WDR17: variants seen among roughly 807,000 people sequenced by gnomAD.
The protein encoded by WDR17 is WD repeat domain 17.
In WDR17, 143 loss-of-function variants were observed where a neutral mutation model predicts 161.7. That is an observed-to-expected ratio of 0.88 (90% CI 0.77 to 1.02). The LOEUF is 1.02. WDR17 is among the 50% of genes least tolerant of loss of function. WDR17 has a pLI of 0.00. For missense variants in WDR17, 1,469 were observed against 1,520.9 expected (o/e 0.97, Z 0.57); for synonymous variants, 517 against 515.6 (o/e 1.00, Z -0.04).
chr4:176,144,356 G>A (rs1362326785), intron 11 of WDR17, among the ~76,000 whole-genome samples: 1 of 151,972 alleles, frequency 6.6e-6, no homozygotes, highest in Admixed American at 6.6e-5. Flanking sequence ...CTATGAGATC[G>A]CCAACTACGT....
In WDR17 at chr4:176,174,676, G is replaced by C; in HGVS notation, c.3407G>C (p.Arg1136Thr). 6.2e-7 allele frequency: 1 copy of C among 1,612,366 alleles called. No individual in the cohort carries two copies. The highest frequency in any genetic ancestry group is 1.1e-5 in the South Asian group (1 of 90,868). The change falls in exon 26 of 29, where the codon AGA (arginine) becomes ACA (threonine). Residue 1136 changes from arginine (R) to threonine (T), a missense_variant. Physicochemically the swap from Arg to Thr is moderately conservative, Grantham distance 71 (BLOSUM62 -1). Coordinates refer to ENST00000508596, the MANE Select transcript of WDR17 (RefSeq NM_181265.4). Reference protein sequence around the residue: ...GYIGALLAIRRQYQSIVPALY... With the variant: ...GYIGALLAIRTQYQSIVPALY... ...ATTGGTGCATTACTGGCTATCAGAA[G>C]ACAGTACCAAAGCATTGTTCCAGCA... is the stretch of plus-strand genomic sequence containing the variant.
intron 26 of WDR17, 21 bp downstream of exon 26, chr4:176,174,739 C>T (rs1249659919): frequency 2.0e-6 from 3 of 1,528,022 alleles, no homozygotes; most frequent in Non-Finnish European, 2.7e-6. Flanking sequence ...TTTTTTCCTC[C>T]ATCATGACAT....
intron 17 of WDR17, 71 bp from the exon 18 acceptor site, chr4:176,156,008 T>G: frequency 1.5e-6 from 2 of 1,356,744 alleles, no homozygotes; most frequent in Non-Finnish European, 2.1e-6. Flanking sequence ...AATCTATTTT[T>G]TAAGTGTCTT....
At chr4:176,078,726 G>A (rs180933313) in intron 1 of WDR17, among the ~76,000 whole-genome samples, 124 of 151,882 alleles carry the variant, frequency 8.2e-4, no homozygotes, top group African/African-American at 2.9e-3. Flanking sequence ...TTTGTCATGG[G>A]CTTTTTGTCA....
chr4:176,070,866 A>G (rs955923909), intron 1 of WDR17, among the ~76,000 whole-genome samples: 1 of 152,006 alleles, frequency 6.6e-6, no homozygotes, highest in Non-Finnish European at 1.5e-5. Context: ...CTAAGCATCC[A>G]TTTGATTTTC....
At position 176,115,806 on chromosome 4, in the gene WDR17, G is replaced by A. The variant is rs145598314; in HGVS notation, c.134G>A (p.Arg45His). 48 of 1,602,350 alleles carry A rather than the reference G, an allele frequency of 3.0e-5. No individual in the cohort carries two copies. The highest frequency in any genetic ancestry group is 1.4e-4 in the Admixed American group (8 of 59,074). ...TATATTTTGTTTTAGTTGGATCACC[G>A]TTATAATGAATTCAAACTTCACGCA... Reference protein sequence around the residue: ...LAIYIYQLDHRYNEFKLHAIM... With the variant: ...LAIYIYQLDHHYNEFKLHAIM... Residue 45 changes from arginine to histidine, a missense_variant, in exon 3 of 29, where the codon CGT becomes CAT. Transcript: ENST00000508596.
chr4:176,137,149 A>T (rs1744545350), intron 8 of WDR17, among the ~76,000 whole-genome samples: 1 of 151,566 alleles, frequency 6.6e-6, no homozygotes, highest in Non-Finnish European at 1.5e-5. Context: ...ATATGATAAT[A>T]TTGAAGAATT....
intron 7 of WDR17, among the ~76,000 whole-genome samples, chr4:176,134,539 G>C (rs1744091346): frequency 6.6e-6 from 1 of 151,634 alleles, no homozygotes; most frequent in Non-Finnish European, 1.5e-5. Flanking sequence ...AAGTATTCAG[G>C]TTCCAAAGAA....
chr4:176,174,704 T>G lies in WDR17; in HGVS notation c.3435T>G (p.Leu1145=). ...RRQYQSIVPA[L]YEYTSQLLKR... ...AGTACCAAAGCATTGTTCCAGCACT[T>G]TATGAGTACACAAGGTAAAAAAGGT... The change falls in exon 26 of 29, where the codon CTT becomes CTG. Residue 1145 remains leucine (L), a synonymous_variant. Transcript: ENST00000508596. The G allele has an allele frequency of 6.2e-7, 1 of 1,608,382 alleles. No homozygotes were observed. The highest frequency in any genetic ancestry group is 8.5e-7 in the Non-Finnish European group (1 of 1,176,474).
Position 176,180,071 on chromosome 4 carries a change from G to C in WDR17, c.*492G>C, listed in dbSNP as rs1368724106. ...TACGTTCTCCTTTATAAAATGCATAGTAAACCACTAACGTTAGCTGTTTTA... is the reference window on the plus strand; with the variant it reads ...TACGTTCTCCTTTATAAAATGCATACTAAACCACTAACGTTAGCTGTTTTA... On this transcript the variant is annotated 3_prime_UTR_variant, in exon 29 of 29. Transcript: ENST00000508596. 6.6e-6 allele frequency: 1 copy of C among 151,972 alleles called. No homozygotes were observed. The highest frequency in any genetic ancestry group is 2.4e-5 in the African/African-American group (1 of 41,388). The allele number at this position is 151,972 out of a possible 1,614,324, so 9.4% of individuals were successfully genotyped here.
chr4:176,125,316 G>C lies in WDR17; in HGVS notation c.751G>C (p.Ala251Pro), dbSNP rs1273663568. ...TGCAGCAGCTTCTGTACAGTGCTTA[G>C]CCTGGGTTCCCAGTGCTCCTGGGAT... ...PSAAASVQCL[A>P]WVPSAPGMFI... The change falls in exon 5 of 29, where the codon GCC becomes CCC. Residue 251 changes from alanine (A) to proline (P), a missense_variant. Coordinates refer to ENST00000508596, the MANE Select transcript of WDR17 (RefSeq NM_181265.4). 3 of 1,614,116 alleles carry C rather than the reference G, an allele frequency of 1.9e-6. No homozygotes were observed. The highest frequency in any genetic ancestry group is 2.2e-5 in the South Asian group (2 of 91,074).
rs919279227 is a variant in WDR17, at chr4:176,182,027, C to T, written c.*2448C>T. 1.3e-5 allele frequency: 2 copies of T among 151,768 alleles called. No individual in the cohort carries two copies. Among genetic ancestry groups the T allele is most frequent in the Non-Finnish European group, 2.9e-5 (2 of 67,868 alleles). The allele number at this position is 151,768 out of a possible 1,614,324, so 9.4% of individuals were successfully genotyped here. On this transcript the variant is annotated 3_prime_UTR_variant, in exon 29 of 29. Transcript: ENST00000508596. This position sits in a 1 kb window ranked among gnomAD's most constrained non-coding sequence, Gnocchi z 4.2. Reference sequence around the variant, plus strand: ...ACTATGTCAATCTGTATATATTGTACCTTAATATGAAAAACAAATTTTTTA... The same window carrying T: ...ACTATGTCAATCTGTATATATTGTATCTTAATATGAAAAACAAATTTTTTA...
chr4:176,094,533 G>A (rs1016000046), intron 1 of WDR17, among the ~76,000 whole-genome samples: 1 of 152,170 alleles, frequency 6.6e-6, no homozygotes, highest in Non-Finnish European at 1.5e-5. Context: ...GGCAGCCTGG[G>A]CAAAACATTT....
chr4:176,066,231 A>G (rs1423695975), intron 1 of WDR17, among the ~76,000 whole-genome samples, 152 bp downstream of exon 1: 1 of 152,184 alleles, frequency 6.6e-6, no homozygotes, highest in Non-Finnish European at 1.5e-5. Flanking sequence ...TTTGCACACC[A>G]TGGTGCCTGA....
intron 1 of WDR17, among the ~76,000 whole-genome samples, chr4:176,082,617 A>C (rs1303683795): frequency 6.6e-6 from 1 of 152,128 alleles, no homozygotes; most frequent in Non-Finnish European, 1.5e-5. Context: ...CTTACTTTCC[A>C]AGTTCCAAAT....
chr4:176,138,126 A>T (rs35022899), intron 9 of WDR17, among the ~76,000 whole-genome samples: 32,807 of 151,524 alleles, frequency 0.22, 3,726 homozygotes, highest in South Asian at 0.27. Flanking sequence ...TTGGAGTTAT[A>T]TTGTCATCCC....
chr4:176,179,609 T>G lies in WDR17; in HGVS notation c.*30T>G, dbSNP rs538594822. ...AGATTTTTGTCCATGCTTGATTTTT[T>G]TTTTTAAAGAAAAACTTTCATGGGT... On this transcript the variant is annotated 3_prime_UTR_variant, in exon 29 of 29. Coordinates refer to ENST00000508596, the MANE Select transcript of WDR17 (RefSeq NM_181265.4). 1 of 1,513,674 alleles carries G rather than the reference T, an allele frequency of 6.6e-7. No homozygotes were observed. Among genetic ancestry groups the G allele is most frequent in the South Asian group, 1.4e-5 (1 of 73,036 alleles). 93.8% of individuals were successfully genotyped at this position (1,513,674 alleles called of 1,614,324 possible). A position where few individuals can be genotyped will look rare whatever the true frequency, so the allele number is the denominator to read the frequency against.
intron 1 of WDR17, among the ~76,000 whole-genome samples, chr4:176,110,726 G>T (rs1319190476): frequency 1.3e-5 from 2 of 152,114 alleles, no homozygotes; most frequent in African/African-American, 2.4e-5. Context: ...GAGGAATCTG[G>T]TAGAAAATAT....
At chr4:176,170,638 G>A (rs1750585252) in intron 23 of WDR17, among the ~76,000 whole-genome samples, 1 of 152,090 alleles carries the variant, frequency 6.6e-6, no homozygotes, top group Non-Finnish European at 1.5e-5. Context: ...TCTAGTGCAA[G>A]CTACACACAG....
Sources: gnomAD v4.1 joint callset for allele counts (sites outside exome capture counted in the v4.1 genomes callset) on GRCh38, gnomAD v4.1.1 for gene constraint, Gnocchi (gnomAD v3.1) non-coding constraint, MANE v1.5 for transcripts, NCBI Gene and HGNC (gene_info 2026-07-23, HGNC 2026-07-21) for gene names.